The following EYS variants were observed in gnomAD, a reference collection of about 807,000 sequenced individuals.
EYS encodes the protein EGF-like photoreceptor maintenance factor, also known as protein eyes shut homolog.
EYS carries 250 observed loss-of-function variants against 282.1 expected under a neutral mutation model. The ratio of observed to expected loss-of-function variants is 0.89; its 90% CI spans 0.80 to 0.98. The LOEUF (loss-of-function observed/expected upper bound fraction) is 0.98. Among genes scored for constraint, EYS ranks in the 50% least tolerant of loss-of-function variants. The pLI is 0.00. For synonymous variants in EYS, 1,355 were observed against 1,282.9 expected (o/e 1.06, Z -1.20); for missense variants, 4,016 against 3,709.0 (o/e 1.08, Z -2.15).
intron 4 of EYS, among the ~76,000 whole-genome samples, chr6:65,493,493 A>G (rs1766123363): frequency 1.3e-5 from 2 of 152,138 alleles, no homozygotes; most frequent in African/African-American, 4.8e-5. Flanking sequence ...GTAACTCTCC[A>G]TGCCAGGTCT....
intron 35 of EYS, among the ~76,000 whole-genome samples, chr6:63,912,153 C>A (rs560156681): frequency 6.6e-6 from 1 of 152,234 alleles, no homozygotes; most frequent in East Asian, 1.9e-4. Flanking sequence ...TAAGCAGGAG[C>A]TTTGCATTTT....
At chr6:65,421,224 A>G (rs1282800137) in intron 5 of EYS, among the ~76,000 whole-genome samples, 1 of 151,828 alleles carries the variant, frequency 6.6e-6, no homozygotes, top group Non-Finnish European at 1.5e-5. Context: ...GTTTGGTATA[A>G]CAACCTTCAT....
intron 35 of EYS, among the ~76,000 whole-genome samples, chr6:63,948,011 G>A (rs1363156517): frequency 6.6e-6 from 1 of 152,108 alleles, no homozygotes; most frequent in East Asian, 1.9e-4. Flanking sequence ...TTAAGATGGA[G>A]CATTAAACAC....
At chr6:64,384,735 C>A (rs1772855604) in intron 29 of EYS, among the ~76,000 whole-genome samples, 1 of 152,118 alleles carries the variant, frequency 6.6e-6, no homozygotes, top group Admixed American at 6.6e-5. Flanking sequence ...TACTCTCAGA[C>A]CTTGAAAGTT....
At chr6:64,211,959 T>C (rs1289371842) in intron 31 of EYS, among the ~76,000 whole-genome samples, 2 of 151,432 alleles carry the variant, frequency 1.3e-5, no homozygotes, top group African/African-American at 4.9e-5. Context: ...CTACTAAAAA[T>C]ATAAAAATTA....
At chr6:64,600,277 A>C (rs1766723719) in intron 24 of EYS, among the ~76,000 whole-genome samples, 1 of 152,018 alleles carries the variant, frequency 6.6e-6, no homozygotes, top group East Asian at 1.9e-4. Flanking sequence ...TGTTTTCCTC[A>C]TTAAGATATT....
intron 11 of EYS, among the ~76,000 whole-genome samples, chr6:65,301,838 G>A (rs925340886): frequency 1.3e-5 from 2 of 152,162 alleles, no homozygotes; most frequent in Admixed American, 1.3e-4. Flanking sequence ...CATCTTCCAG[G>A]CCATCTCAAG....
chr6:64,383,013 C>T (rs1300055612), intron 29 of EYS, among the ~76,000 whole-genome samples: 2 of 152,124 alleles, frequency 1.3e-5, no homozygotes, highest in Non-Finnish European at 2.9e-5. Context: ...CCTGCCTGGG[C>T]ACGGTGGCTC....
chr6:64,300,961 G>T (rs1769213520), intron 30 of EYS, among the ~76,000 whole-genome samples: 1 of 152,132 alleles, frequency 6.6e-6, no homozygotes, highest in Admixed American at 6.5e-5. Flanking sequence ...TAGTAGAAAA[G>T]AATTTTCTGA....
At position 64,546,618 on chromosome 6, in the gene EYS, C is replaced by G. The variant is rs1764879429; in HGVS notation, c.5644+43605G>C. 5.9e-5 allele frequency among the ~76,000 whole-genome samples: 9 copies of G among 152,256 alleles called. No homozygotes were observed. The South Asian group carries it at 1.9e-3, about 32-fold the overall frequency. On this transcript the variant is annotated intron_variant, in intron 26 of 42. Transcript: ENST00000503581. ...AATGGGAGAAAGTTTTTGCAATCTACTCATCTGACAAAGGGCTAATATCCA... is the reference window on the plus strand; with the variant it reads ...AATGGGAGAAAGTTTTTGCAATCTAGTCATCTGACAAAGGGCTAATATCCA...
chr6:64,924,624 T>A (rs1315986800), intron 15 of EYS, among the ~76,000 whole-genome samples: 2 of 152,196 alleles, frequency 1.3e-5, no homozygotes, highest in African/African-American at 4.8e-5. Context: ...AGTACCCAAG[T>A]CACCTCTTGA....
At chr6:65,173,919 A>T (rs1324355380) in intron 12 of EYS, among the ~76,000 whole-genome samples, 1 of 151,304 alleles carries the variant, frequency 6.6e-6, no homozygotes, top group Non-Finnish European at 1.5e-5. Context: ...TTTTACTAAA[A>T]TTTCATACAT....
At chr6:65,522,017 C>G (rs1044675665) in intron 2 of EYS, among the ~76,000 whole-genome samples, 30 of 152,128 alleles carry the variant, frequency 2.0e-4, no homozygotes, top group Admixed American at 9.8e-4. Context: ...TCCTGTGGGT[C>G]TCTTCTTACA....
chr6:64,712,036 C>T (rs1771231502), intron 22 of EYS, among the ~76,000 whole-genome samples: 1 of 152,204 alleles, frequency 6.6e-6, no homozygotes, highest in South Asian at 2.1e-4. Flanking sequence ...GACAAGTTCT[C>T]AATCTGGTCC....
At chr6:64,064,144 A>T (rs3003689) in intron 33 of EYS, among the ~76,000 whole-genome samples, 2 of 152,126 alleles carry the variant, frequency 1.3e-5, no homozygotes, top group African/African-American at 4.8e-5. Flanking sequence ...TGTTTCTTTC[A>T]TTAACAACAT....
intron 28 of EYS, among the ~76,000 whole-genome samples, chr6:64,394,551 A>G (rs1380614750): frequency 6.6e-6 from 1 of 152,142 alleles, no homozygotes; most frequent in Non-Finnish European, 1.5e-5. Flanking sequence ...TATTTAATAA[A>G]TGGTGCTGGG....
chr6:64,175,966 G>A (rs1045262120), intron 31 of EYS, among the ~76,000 whole-genome samples: 1 of 152,130 alleles, frequency 6.6e-6, no homozygotes, highest in Non-Finnish European at 1.5e-5. Context: ...TAGAAGATAA[G>A]TGCTATGGGA....
At chr6:65,267,338 A>C (rs1184769989) in intron 12 of EYS, among the ~76,000 whole-genome samples, 1 of 151,952 alleles carries the variant, frequency 6.6e-6, no homozygotes, top group African/African-American at 2.4e-5. Context: ...GAAAATGACT[A>C]ATCGCATGAA....
chr6:65,198,226 A>G (rs777999149), intron 12 of EYS, among the ~76,000 whole-genome samples: 1 of 152,072 alleles, frequency 6.6e-6, no homozygotes, highest in Admixed American at 6.6e-5. Context: ...GTCCCACTGG[A>G]AGGTGTGCAG....
Sources: gnomAD v4.1 joint callset for allele counts (sites outside exome capture counted in the v4.1 genomes callset) on GRCh38, gnomAD v4.1.1 for gene constraint, MANE v1.5 for transcripts, NCBI Gene and HGNC (gene_info 2026-07-23, HGNC 2026-07-21) for gene names.